The following LTBP1 variants were observed in gnomAD, a reference collection of about 807,000 sequenced individuals.
LTBP1 encodes the protein latent-transforming growth factor beta-binding protein 1.
Under a neutral mutation model 207.6 loss-of-function variants are expected in LTBP1, and 129 were observed. The observed-to-expected ratio is 0.62, with a 90% CI of 0.54 to 0.72. LTBP1 has a LOEUF of 0.72. Among genes scored for constraint, LTBP1 ranks in the 30% least tolerant of loss-of-function variants. The pLI is 0.00. For synonymous variants in LTBP1, 963 were observed against 833.7 expected (o/e 1.16, Z -2.67); for missense variants, 2,281 against 2,217.2 (o/e 1.03, Z -0.58).
chr2:33,300,376 G>C, intron 20 of LTBP1, 75 bp from the exon 21 acceptor site: 1 of 1,475,224 alleles, frequency 6.8e-7, no homozygotes, highest in South Asian at 1.2e-5. Flanking sequence ...ACTAATCCCA[G>C]AATGCATTGC....
At chr2:33,166,520 T>C (rs1234333614) in intron 5 of LTBP1, among the ~76,000 whole-genome samples, 1 of 152,218 alleles carries the variant, frequency 6.6e-6, no homozygotes, top group African/African-American at 2.4e-5. Context: ...ATTGTTTTAT[T>C]GTGGTAACTG....
At chr2:33,248,400 A>G (rs761258793) in intron 10 of LTBP1, among the ~76,000 whole-genome samples, 3 of 152,134 alleles carry the variant, frequency 2.0e-5, no homozygotes, top group Admixed American at 1.3e-4. Flanking sequence ...CAGATTTGAA[A>G]CTGGATCTGT....
At chr2:33,199,999 T>C (rs1289538676) in intron 7 of LTBP1, among the ~76,000 whole-genome samples, 1 of 152,134 alleles carries the variant, frequency 6.6e-6, no homozygotes, top group Admixed American at 6.5e-5. Flanking sequence ...TGGAAGAACA[T>C]TCCATGCTCA....
At chr2:33,251,580 G>A (rs1307236134) in intron 10 of LTBP1, among the ~76,000 whole-genome samples, 1 of 151,514 alleles carries the variant, frequency 6.6e-6, no homozygotes, top group African/African-American at 2.4e-5. Context: ...CAGGAGAATG[G>A]CGTGAACCCG....
At position 33,324,916 on chromosome 2, in the gene LTBP1, G is replaced by A. The variant is rs1276928771; in HGVS notation, c.3730+9647G>A. On this transcript the variant is annotated intron_variant, in intron 24 of 33. Transcript: ENST00000404816. Reference sequence around the variant, plus strand: ...GAGACAGGGTTTCACTCTGTTAGCCGGGATGGTCTCTATCTTCTGACCTTG... The same window carrying A: ...GAGACAGGGTTTCACTCTGTTAGCCAGGATGGTCTCTATCTTCTGACCTTG... Among the ~76,000 whole-genome samples the A allele has an allele frequency of 8.6e-5, 13 of 152,004 alleles. No homozygotes were observed. In the South Asian group the frequency reaches 1.0e-3, roughly 12 times the overall value.
chr2:33,288,569 T>C lies in LTBP1; in HGVS notation c.3113-4591T>C, dbSNP rs2093710936. On this transcript the variant is annotated intron_variant, in intron 19 of 33. Transcript: ENST00000404816. ...CATTTCCCCGCAAAAAGAAAAGAAG[T>C]TGGAGGCCAGGTGCGGTGGCTCACG... Among the ~76,000 whole-genome samples, 7 of 152,072 alleles carry C rather than the reference T, an allele frequency of 4.6e-5. No homozygotes were observed. In the South Asian group the frequency reaches 1.5e-3, roughly 32 times the overall value.
At chr2:32,949,022 G>C in intron 2 of LTBP1, 77 bp downstream of exon 2, 2 of 1,421,590 alleles carry the variant, frequency 1.4e-6, no homozygotes, top group South Asian at 1.1e-5. Flanking sequence ...CATCTCACAA[G>C]GGCCACTTGA....
rs566015373 is a variant in LTBP1 at position 33,003,931 on chromosome 2, G to A, written c.566-16978G>A. 1.8e-4 allele frequency among the ~76,000 whole-genome samples: 28 copies of A among 152,276 alleles called. No homozygotes were observed. In the South Asian group the frequency reaches 5.6e-3, roughly 30 times the overall value. On this transcript the variant is annotated intron_variant, in intron 2 of 33. Transcript: ENST00000404816. ...TCTGCCCAGCAACTGCCTGTCCAAC[G>A]TTGGGTTGATGCCACCATTGTTACT...
Position 33,140,556 on chromosome 2 carries a change from G to T in LTBP1, c.1201+5596G>T, listed in dbSNP as rs1433295078. ...TTAGAATGCCTAAGAACTTATCAAA[G>T]AAACCACTTCCACATACATTTAGCT... is the stretch of plus-strand genomic sequence containing the variant. On this transcript the variant is annotated intron_variant, in intron 5 of 33. Coordinates refer to ENST00000404816, the MANE Select transcript of LTBP1 (RefSeq NM_206943.4). Among the ~76,000 whole-genome samples, 17 of 151,960 alleles carry T rather than the reference G, an allele frequency of 1.1e-4. 1 individual carries two copies. The highest frequency in any genetic ancestry group is 1.1e-3 in the Admixed American group (17 of 15,272).
At chr2:33,260,427 A>C (rs911834080) in intron 13 of LTBP1, among the ~76,000 whole-genome samples, 1 of 152,168 alleles carries the variant, frequency 6.6e-6, no homozygotes, top group Non-Finnish European at 1.5e-5. Context: ...AAATTAGGTA[A>C]TTATTAAATA....
Position 33,373,847 on chromosome 2 carries a change from T to G in LTBP1, c.4711+8344T>G, listed in dbSNP as rs189276186. On this transcript the variant is annotated intron_variant, in intron 31 of 33. Coordinates refer to ENST00000404816, the MANE Select transcript of LTBP1 (RefSeq NM_206943.4). The stretch of plus-strand genomic sequence containing the variant: ...AATTAGTATAATTTATTCCTAAATA[T>G]TATGTATTTTAAATCTGCAAATGAT... Among the ~76,000 whole-genome samples the G allele has an allele frequency of 3.1e-3, 478 of 152,334 alleles. 2 individuals carry two copies. Among genetic ancestry groups the G allele is most frequent in the African/African-American group, 0.011 (466 of 41,560 alleles).
chr2:33,143,548 G>C (rs910456888), intron 5 of LTBP1, among the ~76,000 whole-genome samples: 3 of 152,198 alleles, frequency 2.0e-5, no homozygotes, highest in South Asian at 2.1e-4. Context: ...CTGACCACAA[G>C]ATGCATGAAA....
rs144891681 is a variant in LTBP1 at position 33,106,295 on chromosome 2, T to G, written c.864-4287T>G. ...TCTTCTTACAAATTCTTATTAATGT[T>G]GATATTTGGACCTCCTCCCATGAAT... On this transcript the variant is annotated intron_variant, in intron 3 of 33. Transcript: ENST00000404816. Among the ~76,000 whole-genome samples, 562 of 152,362 alleles carry G rather than the reference T, an allele frequency of 3.7e-3. 4 individuals are homozygous for G. Among genetic ancestry groups the G allele is most frequent in the African/African-American group, 0.013 (541 of 41,588 alleles).
chr2:33,149,846 A>G (rs1324831270), intron 5 of LTBP1, among the ~76,000 whole-genome samples: 2 of 152,200 alleles, frequency 1.3e-5, no homozygotes, highest in African/African-American at 4.8e-5. Context: ...GCTGTTGGAA[A>G]AGGAGGGAAT....
At chr2:33,348,501 C>T (rs921218239) in intron 26 of LTBP1, among the ~76,000 whole-genome samples, 4 of 152,044 alleles carry the variant, frequency 2.6e-5, no homozygotes, top group Non-Finnish European at 5.9e-5. Context: ...ATACATATTC[C>T]ATAAAGAAGA....
At chr2:33,243,991 GATAAAA>G (rs996573917) in intron 10 of LTBP1, among the ~76,000 whole-genome samples, 8 of 152,096 alleles carry the variant, frequency 5.3e-5, no homozygotes, top group African/African-American at 1.7e-4. Flanking sequence ...TTATTGTGGT[GATAAAA>G]ATATAATAGC....
At chr2:32,965,054 A>C (rs988138754) in intron 2 of LTBP1, among the ~76,000 whole-genome samples, 2 of 152,108 alleles carry the variant, frequency 1.3e-5, no homozygotes, top group African/African-American at 4.8e-5. Context: ...AAAACAAAAA[A>C]CAAAAACAAA....
chr2:33,180,265 A>G (rs6707904), intron 5 of LTBP1, among the ~76,000 whole-genome samples: 66,933 of 151,948 alleles, frequency 0.44, 15,422 homozygotes, highest in Non-Finnish European at 0.5. Flanking sequence ...TCCACATTCC[A>G]TAGGGACAAA....
chr2:33,374,952 A>G (rs1484828243), intron 31 of LTBP1, among the ~76,000 whole-genome samples: 1 of 152,204 alleles, frequency 6.6e-6, no homozygotes, highest in African/African-American at 2.4e-5. Flanking sequence ...ACTCCTTCCC[A>G]AAAAAGAAAA....
Sources: allele counts gnomAD v4.1 joint callset (sites outside exome capture counted in the v4.1 genomes callset), GRCh38; gene constraint gnomAD v4.1.1; transcripts MANE v1.5; gene names NCBI Gene and HGNC (gene_info 2026-07-23, HGNC 2026-07-21).